ERVMER34-1: variants seen among roughly 807,000 people sequenced by gnomAD.
The protein encoded by ERVMER34-1 is endogenous retrovirus group MER34 member 1, envelope, also known as endogenous retroviral envelope protein HEMO.
For missense variants in ERVMER34-1, 471 were observed against 295.1 expected (o/e 1.60, Z -4.37); for synonymous variants, 199 against 111.7 (o/e 1.78, Z -4.93).
chr4:52,746,737 G>A (rs1298875698), intron 2 of ERVMER34-1, among the ~76,000 whole-genome samples: 1 of 152,096 alleles, frequency 6.6e-6, no homozygotes, highest in Non-Finnish European at 1.5e-5. Context: ...AAGACTCTTT[G>A]CAGTATGCTT....
chr4:52,750,907 C>T lies in ERVMER34-1; in HGVS notation c.-424+23G>A, dbSNP rs1309867939. On this transcript the variant is annotated intron_variant, in intron 2 of 2. Transcript: ENST00000443173. ...CGTGCTCAGGGCTGGGTAATTTCCTCCCGCTCAAGGGTAGGAACATACCTG... is the reference window on the plus strand; with the variant it reads ...CGTGCTCAGGGCTGGGTAATTTCCTTCCGCTCAAGGGTAGGAACATACCTG... The T allele has an allele frequency of 2.8e-4, 42 of 152,196 alleles. 1 individual carries two copies. The highest frequency in any genetic ancestry group is 2.7e-3 in the Admixed American group (42 of 15,286). 9.4% of individuals were successfully genotyped at this position (152,196 alleles called of 1,614,324 possible).
chr4:52,750,058 G>T (rs923163326), intron 2 of ERVMER34-1, among the ~76,000 whole-genome samples: 1 of 152,064 alleles, frequency 6.6e-6, no homozygotes, highest in Non-Finnish European at 1.5e-5. Flanking sequence ...GAGTGCAGTG[G>T]TGCGATCTCC....
Position 52,745,262 on chromosome 4 carries a change from C to T in ERVMER34-1, c.259G>A (p.Val87Ile), listed in dbSNP as rs376566169. The change falls in exon 3 of 3, where the codon GTA (valine) becomes ATA (isoleucine). Residue 87 changes from valine (V) to isoleucine (I), a missense_variant. By Grantham distance (29) the Val-to-Ile change is conservative. Coordinates refer to ENST00000443173, the MANE Select transcript of ERVMER34-1 (RefSeq NM_001242690.2). The stretch of plus-strand genomic sequence containing the variant: ...TAGGAGGAAGTAGAGTGATTCTGTA[C>T]TTCTGCTTGTGGATACCACACCCTT... ...YERVWYPQAE[V>I]QNHSTSSYRK... 5.7e-6 allele frequency: 4 copies of T among 704,012 alleles called. No individual in the cohort carries two copies. Among genetic ancestry groups the T allele is most frequent in the Non-Finnish European group, 1.0e-5 (4 of 384,998 alleles). The allele number at this position is 704,012 out of a possible 1,614,324, so 43.6% of individuals were successfully genotyped here.
rs1194583977 is a variant in ERVMER34-1, at chr4:52,744,858, G to A, written c.663C>T (p.Thr221=). The A allele has an allele frequency of 7.1e-6, 5 of 704,104 alleles. No homozygotes were observed. The highest frequency in any genetic ancestry group is 4.6e-4 in the Middle Eastern group (2 of 4,370). 43.6% of individuals were successfully genotyped at this position (704,104 alleles called of 1,614,324 possible). A position where few individuals can be genotyped will look rare whatever the true frequency, so the allele number is the denominator to read the frequency against. The change falls in exon 3 of 3, where the codon ACC becomes ACT. Residue 221 remains threonine, a synonymous_variant. Transcript: ENST00000443173. ...AGAGACAGGTGTCATTACCTGACCA[G>A]GTCAATCCAGAATTTCGATCTACCC... ...YKWVDRNSGL[T]WSGNDTCLYS...
At position 52,744,540 on chromosome 4, in the gene ERVMER34-1, G is replaced by A. The variant is rs1716096401; in HGVS notation, c.981C>T (p.Thr327=). ...GGCTAGCATTTAAGGTGAGGTATCT[G>A]GTGAGGGAAGGTACAAGATACCCAA... ...CGLGYLVPSL[T]RYLTLNASQI... Residue 327 remains threonine (T), a synonymous_variant, in exon 3 of 3, where the codon ACC becomes ACT. Coordinates refer to ENST00000443173, the MANE Select transcript of ERVMER34-1 (RefSeq NM_001242690.2). The A allele has an allele frequency of 4.3e-6, 3 of 704,054 alleles. No homozygotes were observed. The highest frequency in any genetic ancestry group is 7.8e-6 in the Non-Finnish European group (3 of 385,004). The allele number at this position is 704,054 out of a possible 1,614,324, so 43.6% of individuals were successfully genotyped here. A position where few individuals can be genotyped will look rare whatever the true frequency, so the allele number is the denominator to read the frequency against.
In ERVMER34-1 at chr4:52,744,902, T is replaced by C; in HGVS notation, c.619A>G (p.Asn207Asp). 1.4e-6 allele frequency: 1 copy of C among 704,146 alleles called. No homozygotes were observed. Among genetic ancestry groups the C allele is most frequent in the Non-Finnish European group, 2.6e-6 (1 of 385,000 alleles). The allele number at this position is 704,146 out of a possible 1,614,324, so 43.6% of individuals were successfully genotyped here. A position where few individuals can be genotyped will look rare whatever the true frequency, so the allele number is the denominator to read the frequency against. The change falls in exon 3 of 3, where the codon AAT (asparagine) becomes GAT (aspartate). Residue 207 changes from asparagine (N) to aspartate (D), a missense_variant. Asn to Asp is a conservative substitution (Grantham distance 23). Transcript: ENST00000443173. ...SSAVPLIGLP[N>D]TQDYKWVDRN... The stretch of plus-strand genomic sequence containing the variant: ...TCTACCCATTTGTAGTCTTGGGTAT[T>C]GGGCAGACCAATCAAGGGAACAGCT...
Position 52,743,906 on chromosome 4 carries a change from T to A in ERVMER34-1, c.1615A>T (p.Ser539Cys), listed in dbSNP as rs956028047. 3.5e-6 allele frequency: 5 copies of A among 1,435,056 alleles called. No homozygotes were observed. The highest frequency in any genetic ancestry group is 4.7e-6 in the Non-Finnish European group (5 of 1,055,144). The allele number at this position is 1,435,056 out of a possible 1,614,324, so 88.9% of individuals were successfully genotyped here. ...TTTGAAACTTGACATGAAGTTTCACTGACAAGGAGCTGTGCTGATTGCTGT... is the reference window on the plus strand; with the variant it reads ...TTTGAAACTTGACATGAAGTTTCACAGACAAGGAGCTGTGCTGATTGCTGT... ...SPQQSAQLLV[S>C]ETSCQVSNRA... Residue 539 changes from serine (S) to cysteine (C), a missense_variant, in exon 3 of 3, where the codon AGT (serine) becomes TGT (cysteine). Physicochemically the swap from Ser to Cys is moderately radical, Grantham distance 112 (BLOSUM62 -1). Transcript: ENST00000443173.
At position 52,742,558 on chromosome 4, in the gene ERVMER34-1, G is replaced by A. The variant is rs1716044388; in HGVS notation, c.*1271C>T. The A allele has an allele frequency of 6.6e-6, 1 of 152,090 alleles. No homozygotes were observed. The highest frequency in any genetic ancestry group is 2.4e-5 in the African/African-American group (1 of 41,398). The allele number at this position is 152,090 out of a possible 1,614,324, so 9.4% of individuals were successfully genotyped here. A position where few individuals can be genotyped will look rare whatever the true frequency, so the allele number is the denominator to read the frequency against. ...ATGTGAATCACTTTCAATTGTGAAT[G>A]GCTTTTCCTGTTTTATTTGCAAATA... On this transcript the variant is annotated 3_prime_UTR_variant, in exon 3 of 3. Coordinates refer to ENST00000443173, the MANE Select transcript of ERVMER34-1 (RefSeq NM_001242690.2).
chr4:52,744,442 G>A lies in ERVMER34-1; in HGVS notation c.1079C>T (p.Pro360Leu). The A allele has an allele frequency of 1.4e-6, 1 of 704,076 alleles. No individual in the cohort carries two copies. The highest frequency in any genetic ancestry group is 2.6e-6 in the Non-Finnish European group (1 of 385,004). The allele number at this position is 704,076 out of a possible 1,614,324, so 43.6% of individuals were successfully genotyped here. A position where few individuals can be genotyped will look rare whatever the true frequency, so the allele number is the denominator to read the frequency against. ...GTCCTTGGGGTTGCAATACAGAGGT[G>A]GATTGTCTGTGTCTCCTTGGGTGCA... ...HRCTQGDTDN[P>L]PLYCNPKDNS... Residue 360 changes from proline (P) to leucine (L), a missense_variant, in exon 3 of 3, where the codon CCA becomes CTA. Coordinates refer to ENST00000443173, the MANE Select transcript of ERVMER34-1 (RefSeq NM_001242690.2).
chr4:52,744,681 G>A lies in ERVMER34-1; in HGVS notation c.840C>T (p.Thr280=), dbSNP rs759046919. ...DKGHDGHRTP[T]WWLTGSNLTL... is the part of the protein sequence containing the mutation. ...TCAGATTGGAACCTGTGAGCCACCAGGTGGGGGTCCGGTGTCCATCATGAC... is the reference window on the plus strand; with the variant it reads ...TCAGATTGGAACCTGTGAGCCACCAAGTGGGGGTCCGGTGTCCATCATGAC... The change falls in exon 3 of 3, where the codon ACC becomes ACT. Residue 280 remains threonine, a synonymous_variant. Coordinates refer to ENST00000443173, the MANE Select transcript of ERVMER34-1 (RefSeq NM_001242690.2). 1 of 704,170 alleles carries A rather than the reference G, an allele frequency of 1.4e-6. No individual in the cohort carries two copies. The highest frequency in any genetic ancestry group is 1.5e-5 in the South Asian group (1 of 67,596). The allele number at this position is 704,170 out of a possible 1,614,324, so 43.6% of individuals were successfully genotyped here.
chr4:52,744,162 T>C lies in ERVMER34-1; in HGVS notation c.1359A>G (p.Glu453=), dbSNP rs747123840. The change falls in exon 3 of 3, where the codon GAA becomes GAG. Residue 453 remains glutamate (E), a synonymous_variant. Transcript: ENST00000443173. ...GGAGACGCTGTATATTAGACTTTAT[T>C]TCTTCCGAATAATTTATATAGAGGC... ...QCCLYINYSE[E]IKSNIQRLHE... 1.4e-6 allele frequency: 1 copy of C among 704,114 alleles called. No individual in the cohort carries two copies. The highest frequency in any genetic ancestry group is 1.5e-5 in the South Asian group (1 of 67,602). 43.6% of individuals were successfully genotyped at this position (704,114 alleles called of 1,614,324 possible).
intron 2 of ERVMER34-1, among the ~76,000 whole-genome samples, chr4:52,750,324 T>C (rs1716256559): frequency 6.6e-6 from 1 of 152,176 alleles, no homozygotes; most frequent in Non-Finnish European, 1.5e-5. Flanking sequence ...GACCTCAGCA[T>C]ATACTCCCAT....
At position 52,743,987 on chromosome 4, in the gene ERVMER34-1, A is replaced by G; in HGVS notation, c.1534T>C (p.Phe512Leu). The G allele has an allele frequency of 1.3e-6, 1 of 745,320 alleles. No homozygotes were observed. The highest frequency in any genetic ancestry group is 2.4e-6 in the Non-Finnish European group (1 of 422,792). The allele number at this position is 745,320 out of a possible 1,614,324, so 46.2% of individuals were successfully genotyped here. Residue 512 changes from phenylalanine (F) to leucine (L), a missense_variant, in exon 3 of 3, where the codon TTT becomes CTT. Physicochemically the swap from Phe to Leu is conservative, Grantham distance 22 (BLOSUM62 0). Coordinates refer to ENST00000443173, the MANE Select transcript of ERVMER34-1 (RefSeq NM_001242690.2). ...FIFVLIYVRV[F>L]RKSRRSLNSQ... ...TTAAGGGATCTGCGAGATTTGCGAA[A>G]GACACGAACATAGATTAAAACAAAG...
At position 52,745,293 on chromosome 4, in the gene ERVMER34-1, C is replaced by A. The variant is rs1002735597; in HGVS notation, c.228G>T (p.Met76Ile). 9.9e-6 allele frequency: 7 copies of A among 703,956 alleles called. No individual in the cohort carries two copies. The highest frequency in any genetic ancestry group is 1.8e-5 in the Non-Finnish European group (7 of 385,020). The allele number at this position is 703,956 out of a possible 1,614,324, so 43.6% of individuals were successfully genotyped here. The stretch of plus-strand genomic sequence containing the variant: ...CTTGTGGATACCACACCCTTTCATA[C>A]ATCCATTGTCCAGAATAGGTCCACC... ...STWWTYSGQW[M>I]YERVWYPQAE... Residue 76 changes from methionine (M) to isoleucine (I), a missense_variant, in exon 3 of 3, where the codon ATG (methionine) becomes ATT (isoleucine). Physicochemically the swap from Met to Ile is conservative, Grantham distance 10. Transcript: ENST00000443173.
At chr4:52,746,642 T>C (rs1017197990) in intron 2 of ERVMER34-1, among the ~76,000 whole-genome samples, 1 of 152,174 alleles carries the variant, frequency 6.6e-6, no homozygotes, top group Non-Finnish European at 1.5e-5. Flanking sequence ...GTCCATCCAT[T>C]AAACATGCAG....
chr4:52,744,321 A>G lies in ERVMER34-1; in HGVS notation c.1200T>C (p.Ser400=), dbSNP rs1277123444. Residue 400 remains serine (S), a synonymous_variant, in exon 3 of 3, where the codon AGT becomes AGC. Coordinates refer to ENST00000443173, the MANE Select transcript of ERVMER34-1 (RefSeq NM_001242690.2). ...GTGCTTCCAAGGTCTGCTTAGTGGC[A>G]CTGAATTCCTGTTCCATTGCTTTGG... ...NISKAMEQEF[S]ATKQTLEAHQ... is the part of the protein sequence containing the mutation. 7 of 704,118 alleles carry G rather than the reference A, an allele frequency of 9.9e-6. No individual in the cohort carries two copies. Among genetic ancestry groups the G allele is most frequent in the Non-Finnish European group, 1.6e-5 (6 of 385,010 alleles). 43.6% of individuals were successfully genotyped at this position (704,118 alleles called of 1,614,324 possible). A position where few individuals can be genotyped will look rare whatever the true frequency, so the allele number is the denominator to read the frequency against.
At chr4:52,748,131 T>A (rs1366024429) in intron 2 of ERVMER34-1, 1 of 177,918 alleles carries the variant, frequency 5.6e-6, no homozygotes, top group Non-Finnish European at 1.2e-5. Flanking sequence ...AAATCACCCT[T>A]TCTTGTGCCC....
chr4:52,749,029 T>A (rs1716218642), intron 2 of ERVMER34-1, among the ~76,000 whole-genome samples: 2 of 151,816 alleles, frequency 1.3e-5, no homozygotes, highest in African/African-American at 2.4e-5. Flanking sequence ...CTTCCTTTTT[T>A]AAAAAAAATT....
At chr4:52,749,619 A>G (rs1202725521) in intron 2 of ERVMER34-1, among the ~76,000 whole-genome samples, 1 of 152,136 alleles carries the variant, frequency 6.6e-6, no homozygotes, top group Non-Finnish European at 1.5e-5. Context: ...CCTGGCCAAC[A>G]TGGTGAAATC....
Sources: gnomAD v4.1 joint callset for allele counts (sites outside exome capture counted in the v4.1 genomes callset) on GRCh38, gnomAD v4.1.1 for gene constraint, MANE v1.5 for transcripts, NCBI Gene and HGNC (gene_info 2026-07-23, HGNC 2026-07-21) for gene names.